PLS1: variants seen among roughly 807,000 people sequenced by gnomAD.
PLS1 encodes the protein plastin-1.
PLS1 carries 32 observed loss-of-function variants against 73.7 expected under a neutral mutation model. The ratio of observed to expected loss-of-function variants is 0.43; its 90% CI spans 0.33 to 0.58. The LOEUF is 0.58. Ranked by LOEUF, PLS1 falls within the 20% of genes least tolerant of loss-of-function variation. The pLI is 0.04. For synonymous variants in PLS1, 217 were observed against 261.3 expected, an observed-to-expected ratio of 0.83 and a Z score of 1.63; for missense variants, 633 against 740.5, an observed-to-expected ratio of 0.85 and a Z score of 1.68.
intron 1 of PLS1, among the ~76,000 whole-genome samples, chr3:142,641,517 T>C (rs1055020210): frequency 3.3e-5 from 5 of 151,842 alleles, no homozygotes; most frequent in Non-Finnish European, 5.9e-5. Flanking sequence ...TTCCTTTTTG[T>C]TTTAATCTCT....
At chr3:142,699,106 T>TG (rs1379947949) in intron 12 of PLS1, among the ~76,000 whole-genome samples, 1 of 151,700 alleles carries the variant, frequency 6.6e-6, no homozygotes. Context: ...TGTCAGGGGT[T>TG]GGGGGGCAAG....
intron 1 of PLS1, among the ~76,000 whole-genome samples, chr3:142,649,212 C>T (rs528827016): frequency 2.0e-5 from 3 of 151,638 alleles, no homozygotes; most frequent in South Asian, 4.2e-4. Context: ...TGGTGGTACA[C>T]GCCTGTAGTC....
intron 1 of PLS1, among the ~76,000 whole-genome samples, chr3:142,626,186 A>C (rs960188305): frequency 2.0e-5 from 3 of 152,196 alleles, no homozygotes; most frequent in Non-Finnish European, 4.4e-5. Context: ...GATCAGGAGT[A>C]AATAAGGCAT....
chr3:142,700,628 ACTTTT>A (rs1342506304), intron 12 of PLS1, among the ~76,000 whole-genome samples: 3 of 152,246 alleles, frequency 2.0e-5, no homozygotes, highest in South Asian at 4.1e-4. Context: ...GGCCTTCTTT[ACTTTT>A]AAGTATTTCT....
At chr3:142,699,522 G>A (rs1350606785) in intron 12 of PLS1, among the ~76,000 whole-genome samples, 1 of 152,050 alleles carries the variant, frequency 6.6e-6, no homozygotes, top group Non-Finnish European at 1.5e-5. Context: ...AAACCACCAT[G>A]ACACATGTAT....
chr3:142,705,041 T>C (rs958870343), intron 14 of PLS1, among the ~76,000 whole-genome samples: 2 of 152,130 alleles, frequency 1.3e-5, no homozygotes, highest in African/African-American at 4.8e-5. Context: ...TTTATGAGTT[T>C]AGGCATACTA....
chr3:142,686,567 A>G (rs1050632064), intron 9 of PLS1, among the ~76,000 whole-genome samples, 191 bp downstream of exon 9: 2 of 152,040 alleles, frequency 1.3e-5, no homozygotes, highest in African/African-American at 4.8e-5. Context: ...TTAAACAATA[A>G]CTCCCCATTT....
chr3:142,609,447 TG>T (rs1217109179), intron 1 of PLS1, among the ~76,000 whole-genome samples: 1 of 152,196 alleles, frequency 6.6e-6, no homozygotes, highest in African/African-American at 2.4e-5. Flanking sequence ...AGCTCTGAAA[TG>T]CTTTGGCCTA....
At position 142,694,459 on chromosome 3, in the gene PLS1, T is replaced by G. The variant is rs1329593726; in HGVS notation, c.1178-10T>G. 7.0e-6 allele frequency: 11 copies of G among 1,569,812 alleles called. No homozygotes were observed. Among genetic ancestry groups the G allele is most frequent in the Non-Finnish European group, 9.6e-6 (11 of 1,141,320 alleles). ...CCTGAGTCATCAGTGTGAGCTTGTGTCTACTCTAGGAGAGAGCAAGGAAGA... is the reference window on the plus strand; with the variant it reads ...CCTGAGTCATCAGTGTGAGCTTGTGGCTACTCTAGGAGAGAGCAAGGAAGA... On this transcript the variant is annotated splice_polypyrimidine_tract_variant and intron_variant, in intron 10 of 15. Transcript: ENST00000457734.
At chr3:142,678,507 G>A (rs189803483) in intron 6 of PLS1, among the ~76,000 whole-genome samples, 4,816 of 146,450 alleles carry the variant, frequency 0.033, 261 homozygotes, top group African/African-American at 0.12. Flanking sequence ...CCACCTATGC[G>A]TGAGAATATG....
In PLS1 at chr3:142,689,146, C is replaced by CA. The variant is rs1560070223; in HGVS notation, c.982-471dup. The stretch of plus-strand genomic sequence containing the variant: ...ACTTTTTTCCTTTTAACTTAAAAGG[C>CA]ACGGGGGCTGGGCTTAGTGGCTCAC... On this transcript the variant is annotated intron_variant, in intron 9 of 15. Coordinates refer to ENST00000457734, the MANE Select transcript of PLS1 (RefSeq NM_001145319.2). 2.6e-5 allele frequency among the ~76,000 whole-genome samples: 4 copies of CA among 152,156 alleles called. No individual in the cohort carries two copies. The East Asian group carries it at 5.8e-4, about 22-fold the overall frequency.
chr3:142,686,142 A>G, intron 8 of PLS1, 142 bp from the exon 9 acceptor site: 1 of 610,894 alleles, frequency 1.6e-6, no homozygotes, highest in Non-Finnish European at 2.9e-6. Flanking sequence ...TACATTCAGG[A>G]ACCTACAAGT....
chr3:142,619,756 A>G (rs1221805336), intron 1 of PLS1: 3 of 152,204 alleles, frequency 2.0e-5, no homozygotes, highest in Non-Finnish European at 4.4e-5. Flanking sequence ...AGAATATTCT[A>G]AACAAAAGAA....
At chr3:142,703,767 G>A in intron 12 of PLS1, 101 bp from the exon 13 acceptor site, 1 of 656,356 alleles carries the variant, frequency 1.5e-6, no homozygotes, top group Non-Finnish European at 2.7e-6. Flanking sequence ...TAAATTTAAG[G>A]TGTCATCATA....
chr3:142,663,026 A>G (rs1034347202), intron 1 of PLS1, among the ~76,000 whole-genome samples: 3 of 152,130 alleles, frequency 2.0e-5, no homozygotes, highest in African/African-American at 7.2e-5. Context: ...CCTGGCCAAC[A>G]TGGTGAAACC....
At chr3:142,675,544 A>G (rs2037703245) in intron 4 of PLS1, among the ~76,000 whole-genome samples, 1 of 151,918 alleles carries the variant, frequency 6.6e-6, no homozygotes, top group Non-Finnish European at 1.5e-5. Context: ...CACCATGCCC[A>G]GCTAATTTAT....
intron 12 of PLS1, among the ~76,000 whole-genome samples, chr3:142,699,711 T>G (rs1335069181): frequency 6.6e-6 from 1 of 152,206 alleles, no homozygotes; most frequent in Non-Finnish European, 1.5e-5. Flanking sequence ...AGAGATGTAT[T>G]CAAAAGGGAC....
intron 12 of PLS1, among the ~76,000 whole-genome samples, chr3:142,703,308 T>TC (rs1375768640): frequency 6.7e-6 from 1 of 149,740 alleles, no homozygotes; most frequent in Admixed American, 6.7e-5. Flanking sequence ...TTTTTTTTTT[T>TC]TTTTGAGACG....
At chr3:142,670,389 GC>G (rs1419091137) in intron 3 of PLS1, among the ~76,000 whole-genome samples, 2 of 152,164 alleles carry the variant, frequency 1.3e-5, no homozygotes, top group Non-Finnish European at 2.9e-5. Flanking sequence ...GTCACACAGG[GC>G]CATGTCGAAT....
Sources: allele counts gnomAD v4.1 joint callset (sites outside exome capture counted in the v4.1 genomes callset), GRCh38; gene constraint gnomAD v4.1.1; transcripts MANE v1.5; gene names NCBI Gene and HGNC (gene_info 2026-07-23, HGNC 2026-07-21).